Variants in TTF2 observed in about 807,000 individuals in gnomAD.
TTF2 encodes transcription termination factor 2, also known as RNA polymerase II termination factor.
A neutral mutation model predicts 142.4 loss-of-function variants in TTF2; 108 were observed. The ratio of observed to expected loss-of-function variants is 0.76; its 90% CI spans 0.65 to 0.89. The LOEUF (loss-of-function observed/expected upper bound fraction) is 0.89. Ranked by LOEUF, TTF2 falls within the 40% of genes least tolerant of loss-of-function variation. TTF2 has a pLI of 0.00. For missense variants in TTF2, 1,327 were observed against 1,379.8 expected (o/e 0.96, Z 0.61); for synonymous variants, 483 against 506.2 (o/e 0.95, Z 0.61).
chr1:117,061,779 A>G (rs1290548882), intron 2 of TTF2, among the ~76,000 whole-genome samples: 1 of 152,244 alleles, frequency 6.6e-6, no homozygotes, highest in African/African-American at 2.4e-5. Flanking sequence ...GAAGACAATT[A>G]TTTGATAAAC....
rs1648646344 is a variant in TTF2 at position 117,092,035 on chromosome 1, C to CAAA, written c.2805+85_2805+86insAAA. On this transcript the variant is annotated intron_variant, in intron 17 of 22. Transcript: ENST00000369466. This position sits in a 1 kb window ranked among gnomAD's most constrained non-coding sequence, Gnocchi z 4.4. ...AATTTCACTCTCCTCCAACTGGAAT[C>CAAA]CAGTCTGCTTGATCAAAGGAAATGC... The CAAA allele has an allele frequency of 2.2e-6, 3 of 1,394,904 alleles. No individual in the cohort carries two copies. The East Asian group carries it at 7.3e-5, about 34-fold the overall frequency. The allele number at this position is 1,394,904 out of a possible 1,614,324, so 86.4% of individuals were successfully genotyped here. A position where few individuals can be genotyped will look rare whatever the true frequency, so the allele number is the denominator to read the frequency against.
chr1:117,084,431 C>T (rs1281103928), intron 11 of TTF2, among the ~76,000 whole-genome samples: 2 of 152,222 alleles, frequency 1.3e-5, no homozygotes, highest in African/African-American at 2.4e-5. Context: ...ATTCAGGTGA[C>T]AGCAGCATTC....
At position 117,063,995 on chromosome 1, in the gene TTF2, C is replaced by T. The variant is rs1394339039; in HGVS notation, c.218+1522C>T. Among the ~76,000 whole-genome samples the T allele has an allele frequency of 2.0e-5, 3 of 152,268 alleles. No homozygotes were observed. In the East Asian group the frequency reaches 5.8e-4, roughly 29 times the overall value. On this transcript the variant is annotated intron_variant, in intron 3 of 22. Coordinates refer to ENST00000369466, the MANE Select transcript of TTF2 (RefSeq NM_003594.4). The surrounding 1 kb of genome is among the most constrained non-coding windows in gnomAD (Gnocchi z 4.1). ...ATCTCTCTGTTGCCCTTTCTATAAC[C>T]ATACCCCCTTCCCTCCCTTCTGCCC...
intron 3 of TTF2, among the ~76,000 whole-genome samples, chr1:117,071,789 C>T (rs1216579350): frequency 6.6e-6 from 1 of 152,024 alleles, no homozygotes; most frequent in Non-Finnish European, 1.5e-5. Context: ...GGTTTTTGCC[C>T]TCTAGTAGCT....
At position 117,090,015 on chromosome 1, in the gene TTF2, T is replaced by C; in HGVS notation, c.2343-40T>C. On this transcript the variant is annotated intron_variant, in intron 13 of 22. Coordinates refer to ENST00000369466, the MANE Select transcript of TTF2 (RefSeq NM_003594.4). This position sits in a 1 kb window ranked among gnomAD's most constrained non-coding sequence, Gnocchi z 4.8. ...ACCTTTATTCCATTCTCCCTGACTT[T>C]TCCTTCCCTACTCTGTGCCCTTCTT... is the stretch of plus-strand genomic sequence containing the variant. 6.3e-7 allele frequency: 1 copy of C among 1,586,374 alleles called. No individual in the cohort carries two copies. The highest frequency in any genetic ancestry group is 8.6e-7 in the Non-Finnish European group (1 of 1,166,958).
chr1:117,076,582 A>G lies in TTF2; in HGVS notation c.1391-59A>G. On this transcript the variant is annotated intron_variant, in intron 6 of 22. Coordinates refer to ENST00000369466, the MANE Select transcript of TTF2 (RefSeq NM_003594.4). This position sits in a 1 kb window ranked among gnomAD's most constrained non-coding sequence, Gnocchi z 4.6. ...CTCTCTTGACCTCACCTCCACACAT[A>G]TGGTCCCTTCACTTAGTTTGCTGAA... 2.0e-6 allele frequency: 3 copies of G among 1,533,610 alleles called. No individual in the cohort carries two copies. Among genetic ancestry groups the G allele is most frequent in the Non-Finnish European group, 1.8e-6 (2 of 1,128,570 alleles).
rs1453322614 is a variant in TTF2 at position 117,088,657 on chromosome 1, T to C, written c.2161-144T>C. 10 of 754,972 alleles carry C rather than the reference T, an allele frequency of 1.3e-5. No individual in the cohort carries two copies. In the Admixed American group the frequency reaches 3.5e-4, roughly 26 times the overall value. The allele number at this position is 754,972 out of a possible 1,614,324, so 46.8% of individuals were successfully genotyped here. ...TGAGACGTTTTACTCTTGGGTTTCT[T>C]AATTCTTATTTCAGTGTACCTGAGC... is the stretch of plus-strand genomic sequence containing the variant. On this transcript the variant is annotated intron_variant, in intron 12 of 22. Transcript: ENST00000369466.
rs530352063 is a variant in TTF2, at chr1:117,066,519, C to T, written c.218+4046C>T. On this transcript the variant is annotated intron_variant, in intron 3 of 22. Coordinates refer to ENST00000369466, the MANE Select transcript of TTF2 (RefSeq NM_003594.4). ...TGGGTTGGAGGACTTGGAGAGAGAA[C>T]GTGTGTGATGGCCTCGGTCTGGTGT... Among the ~76,000 whole-genome samples the T allele has an allele frequency of 1.6e-3, 245 of 152,128 alleles. 1 individual carries two copies. Among genetic ancestry groups the T allele is most frequent in the African/African-American group, 5.4e-3 (224 of 41,474 alleles).
chr1:117,104,671 C>A lies in TTF2; in HGVS notation c.*3147C>A. 1 of 152,300 alleles carries A rather than the reference C, an allele frequency of 6.6e-6. No individual in the cohort carries two copies. 9.4% of individuals were successfully genotyped at this position (152,300 alleles called of 1,614,324 possible). On this transcript the variant is annotated 3_prime_UTR_variant, in exon 23 of 23. Transcript: ENST00000369466. ...AGGTGGATGCAGAAAAAAATGGAAC[C>A]ACTGCCTTAATGGGATGGAATATAC...
chr1:117,104,577 T>C lies in TTF2; in HGVS notation c.*3053T>C, dbSNP rs1649813883. ...GCTTTTCTAATTTCTCATGTTATTG[T>C]ACATAAGCAAAGCAACCTAGTTATG... On this transcript the variant is annotated 3_prime_UTR_variant, in exon 23 of 23. Coordinates refer to ENST00000369466, the MANE Select transcript of TTF2 (RefSeq NM_003594.4). 1 of 152,222 alleles carries C rather than the reference T, an allele frequency of 6.6e-6. No homozygotes were observed. Among genetic ancestry groups the C allele is most frequent in the African/African-American group, 2.4e-5 (1 of 41,450 alleles). The allele number at this position is 152,222 out of a possible 1,614,324, so 9.4% of individuals were successfully genotyped here. A position where few individuals can be genotyped will look rare whatever the true frequency, so the allele number is the denominator to read the frequency against.
At chr1:117,098,322 T>C (rs952423652) in intron 21 of TTF2, 3 of 152,104 alleles carry the variant, frequency 2.0e-5, no homozygotes, top group African/African-American at 7.2e-5. Flanking sequence ...AATCACAGAA[T>C]ATTCAAGTTG....
chr1:117,069,101 A>G (rs898577072), intron 3 of TTF2, among the ~76,000 whole-genome samples: 1 of 152,074 alleles, frequency 6.6e-6, no homozygotes, highest in Non-Finnish European at 1.5e-5. Flanking sequence ...AACATTTACA[A>G]TTTTGTTTTT....
rs967864735 is a variant in TTF2 at position 117,086,081 on chromosome 1, T to G, written c.2055-336T>G. Among the ~76,000 whole-genome samples the G allele has an allele frequency of 2.0e-5, 3 of 152,226 alleles. No homozygotes were observed. Among genetic ancestry groups the G allele is most frequent in the Admixed American group, 1.3e-4 (2 of 15,288 alleles). ...GTTATTTCCCAACTCTATCCTACTT[T>G]CTGTTCTGGCCAGATCATATTAAGC... On this transcript the variant is annotated intron_variant, in intron 11 of 22. Transcript: ENST00000369466. This position sits in a 1 kb window ranked among gnomAD's most constrained non-coding sequence, Gnocchi z 4.2.
chr1:117,060,647 C>CCCACCACTCCTCGGCCCTGT, intron 2 of TTF2, 90 bp downstream of exon 2: 1 of 1,335,204 alleles, frequency 7.5e-7, no homozygotes, highest in Non-Finnish European at 1.0e-6. Flanking sequence ...GTCACAGGGC[C>CCCACCACTCCTCGGCCCTGT]GAGGAGTGGT....
Position 117,092,609 on chromosome 1 carries a change from A to G in TTF2, c.2806-122A>G. 2.8e-6 allele frequency: 3 copies of G among 1,082,426 alleles called. No individual in the cohort carries two copies. Among genetic ancestry groups the G allele is most frequent in the Non-Finnish European group, 4.0e-6 (3 of 758,840 alleles). 67.1% of individuals were successfully genotyped at this position (1,082,426 alleles called of 1,614,324 possible). On this transcript the variant is annotated intron_variant, in intron 17 of 22. Coordinates refer to ENST00000369466, the MANE Select transcript of TTF2 (RefSeq NM_003594.4). The surrounding 1 kb of genome is among the most constrained non-coding windows in gnomAD (Gnocchi z 4.4). ...TTTAATCAAGGTGTCTTGAGGAGTT[A>G]CTGATGACAAATTACAAGATATTTT...
intron 10 of TTF2, among the ~76,000 whole-genome samples, chr1:117,082,773 T>G (rs1647639700): frequency 1.3e-5 from 2 of 152,170 alleles, no homozygotes; most frequent in African/African-American, 4.8e-5. Context: ...GAGAATCACT[T>G]GAGCCTGGGA....
At position 117,063,294 on chromosome 1, in the gene TTF2, A is replaced by G. The variant is rs996283363; in HGVS notation, c.218+821A>G. On this transcript the variant is annotated intron_variant, in intron 3 of 22. Coordinates refer to ENST00000369466, the MANE Select transcript of TTF2 (RefSeq NM_003594.4). The surrounding 1 kb of genome is among the most constrained non-coding windows in gnomAD (Gnocchi z 4.1). ...AAGATACACAAGTCTTAAGATTTCA[A>G]CCAGTTGAGTTTTGAGAATGCATGT... Among the ~76,000 whole-genome samples, 48 of 152,184 alleles carry G rather than the reference A, an allele frequency of 3.2e-4. No individual in the cohort carries two copies. Among genetic ancestry groups the G allele is most frequent in the Admixed American group, 2.6e-4 (4 of 15,286 alleles).
chr1:117,072,234 G>A (rs1447780204), intron 3 of TTF2, among the ~76,000 whole-genome samples: 1 of 151,976 alleles, frequency 6.6e-6, no homozygotes, highest in Non-Finnish European at 1.5e-5. Context: ...GTGGAAGAGT[G>A]TAAATATATA....
Position 117,075,644 on chromosome 1 carries a change from G to T in TTF2, c.1060G>T (p.Glu354Ter), listed in dbSNP as rs756890984. The change falls in exon 5 of 23, where the codon GAG becomes TAG. Residue 354 changes from glutamate (E) to a stop codon, truncating the protein, a stop_gained. Transcript: ENST00000369466. LOFTEE classifies it high-confidence loss of function. The surrounding 1 kb of genome is among the most constrained non-coding windows in gnomAD (Gnocchi z 4.5). ...TGAAGCTGCCACAAGCAGTGACGAC[G>T]AGGAGGAAGATGATGTTGTTTTTGT... ...GREAATSSDD[E>*]EEDDVVFVSS... 4.3e-6 allele frequency: 7 copies of T among 1,614,156 alleles called. No individual in the cohort carries two copies. In the South Asian group the frequency reaches 6.6e-5, roughly 15 times the overall value.
Sources: gnomAD v4.1 joint callset for allele counts (sites outside exome capture counted in the v4.1 genomes callset) on GRCh38, gnomAD v4.1.1 for gene constraint, Gnocchi (gnomAD v3.1) non-coding constraint, MANE v1.5 for transcripts, NCBI Gene and HGNC (gene_info 2026-07-23, HGNC 2026-07-21) for gene names.